Variants in PCDH10 observed in about 807,000 individuals in gnomAD.
PCDH10 encodes the protein protocadherin 10, also known as protocadherin-10.
PCDH10 carries 15 observed loss-of-function variants against 74.4 expected under a neutral mutation model. The ratio of observed to expected loss-of-function variants is 0.20; its 90% CI spans 0.13 to 0.31. The LOEUF is 0.31. PCDH10 is among the 10% of genes least tolerant of loss of function. PCDH10 has a pLI of 1.00. For synonymous variants in PCDH10, 619 were observed against 589.8 expected (o/e 1.05, Z -0.72); for missense variants, 1,260 against 1,390.2 (o/e 0.91, Z 1.49).
intron 4 of PCDH10, among the ~76,000 whole-genome samples, chr4:133,175,863 A>G (rs576819693): frequency 9.7e-4 from 147 of 152,246 alleles, no homozygotes; most frequent in Admixed American, 2.0e-3. Flanking sequence ...TCCAAACCTT[A>G]TGCAAATCAA....
intron 4 of PCDH10, among the ~76,000 whole-genome samples, chr4:133,180,174 T>C (rs1031375037): frequency 3.9e-5 from 6 of 152,098 alleles, no homozygotes; most frequent in African/African-American, 1.4e-4. Context: ...CTAATTTCAC[T>C]AAGCTATTTT....
At chr4:133,188,887 C>A (rs1231070141) in intron 4 of PCDH10, among the ~76,000 whole-genome samples, 1 of 151,826 alleles carries the variant, frequency 6.6e-6, no homozygotes, top group Non-Finnish European at 1.5e-5. Context: ...GTTGGCCAGG[C>A]TGGTTTCAAA....
chr4:133,205,654 C>T (rs1476877337), intron 2 of PCDH10, among the ~76,000 whole-genome samples: 4 of 151,912 alleles, frequency 2.6e-5, no homozygotes, highest in East Asian at 1.9e-4. Context: ...GATGCTGAAC[C>T]TCCTCTACTT....
At chr4:133,206,458 T>C (rs1256636636) in intron 2 of PCDH10, among the ~76,000 whole-genome samples, 2 of 152,204 alleles carry the variant, frequency 1.3e-5, no homozygotes, top group Non-Finnish European at 2.9e-5. Flanking sequence ...TTATTAGGCT[T>C]ATTTTTACCC....
In PCDH10 at chr4:133,163,289, A is replaced by T; in HGVS notation, c.3103+7A>T. On this transcript the variant is annotated splice_region_variant and intron_variant, in intron 4 of 4. Transcript: ENST00000264360. Reference sequence around the variant, plus strand: ...TACAAACCACCATATTTGAGTAAGTATTACACAAAGGGCTCTGTTAAAGTG... The same window carrying T: ...TACAAACCACCATATTTGAGTAAGTTTTACACAAAGGGCTCTGTTAAAGTG... 6.3e-7 allele frequency: 1 copy of T among 1,597,696 alleles called. No individual in the cohort carries two copies. Among genetic ancestry groups the T allele is most frequent in the South Asian group, 1.1e-5 (1 of 89,412 alleles).
rs1726683715 is a variant in PCDH10, at chr4:133,151,326, G to A, written c.1186G>A (p.Glu396Lys). 1.2e-6 allele frequency: 2 copies of A among 1,614,044 alleles called. No homozygotes were observed. The highest frequency in any genetic ancestry group is 1.7e-6 in the Non-Finnish European group (2 of 1,180,024). The change falls in exon 1 of 5, where the codon GAG becomes AAG. Residue 396 changes from glutamate to lysine, a missense_variant. Glu to Lys is a moderately conservative substitution (Grantham distance 56). Around this residue, in one of 11 missense-constraint regions of PCDH10, gnomAD observed 112 missense variants for 123.6 expected, o/e 0.91. Coordinates refer to ENST00000264360, the MANE Select transcript of PCDH10 (RefSeq NM_032961.3). ...DSEENGQVQC[E>K]LLGDVPFRLK... ...AGAGGAGAATGGGCAGGTGCAGTGCGAGCTACTGGGAGACGTGCCTTTCCG... is the reference window on the plus strand; with the variant it reads ...AGAGGAGAATGGGCAGGTGCAGTGCAAGCTACTGGGAGACGTGCCTTTCCG...
rs562154592 is a variant in PCDH10, at chr4:133,150,899, C to G, written c.759C>G (p.Pro253=). The G allele has an allele frequency of 2.4e-5, 39 of 1,612,694 alleles. No homozygotes were observed. The South Asian group carries it at 4.3e-4, about 18-fold the overall frequency. The change falls in exon 1 of 5, where the codon CCC becomes CCG. Residue 253 remains proline (P), a synonymous_variant. Coordinates refer to ENST00000264360, the MANE Select transcript of PCDH10 (RefSeq NM_032961.3). ...SNDNVPAFDQ[P]VYTVSLPENS... is the part of the protein sequence containing the mutation. ...ACAATGTGCCCGCTTTCGACCAACC[C>G]GTCTACACTGTGTCCCTACCAGAGA...
At chr4:133,195,714 G>C (rs1727782569), downstream of PCDH10, among the ~76,000 whole-genome samples, 1 of 151,812 alleles carries the variant, frequency 6.6e-6, no homozygotes. Context: ...CTTATCAGTG[G>C]CCCTAGATTA....
chr4:133,163,565 A>G (rs1036402675), intron 4 of PCDH10, among the ~76,000 whole-genome samples: 1 of 152,162 alleles, frequency 6.6e-6, no homozygotes, highest in Non-Finnish European at 1.5e-5. Context: ...ATGCTTTGAG[A>G]TTCCATAATA....
chr4:133,171,661 G>A (rs1727205844), intron 4 of PCDH10, among the ~76,000 whole-genome samples: 1 of 152,142 alleles, frequency 6.6e-6, no homozygotes, highest in Non-Finnish European at 1.5e-5. Flanking sequence ...AATTTGAATG[G>A]TAGGAATAAG....
Position 133,150,222 on chromosome 4 carries a change from C to A in PCDH10, c.82C>A (p.Gln28Lys), listed in dbSNP as rs777800344. The change falls in exon 1 of 5, where the codon CAG (glutamine) becomes AAG (lysine). Residue 28 changes from glutamine (Q) to lysine (K), a missense_variant. By Grantham distance (53) the Gln-to-Lys change is moderately conservative. Coordinates refer to ENST00000264360, the MANE Select transcript of PCDH10 (RefSeq NM_032961.3). ...SQLHYTVQEE[Q>K]EHGTFVGNIA... Reference sequence around the variant, plus strand: ...GCTTCACTACACGGTACAGGAGGAGCAGGAACATGGCACTTTCGTGGGGAA... The same window carrying A: ...GCTTCACTACACGGTACAGGAGGAGAAGGAACATGGCACTTTCGTGGGGAA... 2.5e-6 allele frequency: 4 copies of A among 1,613,460 alleles called. No homozygotes were observed. Among genetic ancestry groups the A allele is most frequent in the East Asian group, 2.2e-5 (1 of 44,864 alleles).
intron 4 of PCDH10, among the ~76,000 whole-genome samples, chr4:133,189,300 C>T (rs1211655345): frequency 3.3e-5 from 5 of 151,928 alleles, no homozygotes; most frequent in Non-Finnish European, 7.4e-5. Context: ...CTGTTATGTG[C>T]CATATACTGA....
intron 4 of PCDH10, among the ~76,000 whole-genome samples, chr4:133,164,714 A>G (rs1389999625): frequency 6.6e-6 from 1 of 151,400 alleles, no homozygotes; most frequent in Non-Finnish European, 1.5e-5. Flanking sequence ...TTCTTTACTG[A>G]CTGGATTTTT....
At chr4:133,153,353 C>A in intron 1 of PCDH10, 1 of 661,688 alleles carries the variant, frequency 1.5e-6, no homozygotes, top group Non-Finnish European at 1.9e-6. Context: ...CTCTGGACAG[C>A]ATTTACAGAC....
chr4:133,185,987 C>A (rs1346669617), intron 4 of PCDH10, among the ~76,000 whole-genome samples: 2 of 152,074 alleles, frequency 1.3e-5, no homozygotes, highest in African/African-American at 4.8e-5. Flanking sequence ...ATTATTTCTG[C>A]AACATACATG....
chr4:133,196,408 C>T (rs1035649122), downstream of PCDH10, among the ~76,000 whole-genome samples: 1 of 152,108 alleles, frequency 6.6e-6, no homozygotes, highest in African/African-American at 2.4e-5. Context: ...CTGGGGGCCA[C>T]AAGACTGGAT....
At position 133,190,831 on chromosome 4, in the gene PCDH10, A is replaced by G. The variant is rs1727651050; in HGVS notation, c.*671A>G. The G allele has an allele frequency of 6.6e-6, 1 of 151,902 alleles. No homozygotes were observed. Among genetic ancestry groups the G allele is most frequent in the Non-Finnish European group, 1.5e-5 (1 of 67,824 alleles). 9.4% of individuals were successfully genotyped at this position (151,902 alleles called of 1,614,324 possible). A position where few individuals can be genotyped will look rare whatever the true frequency, so the allele number is the denominator to read the frequency against. ...GTTTTTAAATGGATGCATACAGTCC[A>G]CATCATACAATAAAATAAAAGGTAA... On this transcript the variant is annotated 3_prime_UTR_variant, in exon 5 of 5. Coordinates refer to ENST00000264360, the MANE Select transcript of PCDH10 (RefSeq NM_032961.3).
Position 133,163,172 on chromosome 4 carries a change from G to A in PCDH10, c.2993G>A (p.Arg998Gln), listed in dbSNP as rs140421804. Residue 998 changes from arginine to glutamine, a missense_variant, in exon 4 of 5, where the codon CGG becomes CAG. Physicochemically the swap from Arg to Gln is conservative, Grantham distance 43. This residue lies in a region of PCDH10 where 136 missense variants were observed against 149.3 expected (regional missense o/e 0.91). Coordinates refer to ENST00000264360, the MANE Select transcript of PCDH10 (RefSeq NM_032961.3). ...ETPEAQPGAERSFSTFGKEKA... is the reference protein window; with the variant it reads ...ETPEAQPGAEQSFSTFGKEKA... ...CCAGAAGCCCAGCCTGGGGCAGAGC[G>A]GTCCTTTTCCACCTTTGGCAAAGAG... The A allele has an allele frequency of 1.7e-5, 27 of 1,613,976 alleles. No homozygotes were observed. The highest frequency in any genetic ancestry group is 2.2e-5 in the Non-Finnish European group (26 of 1,180,008).
chr4:133,203,199 G>A (rs1727938570), intron 2 of PCDH10, among the ~76,000 whole-genome samples: 1 of 152,096 alleles, frequency 6.6e-6, no homozygotes, highest in Non-Finnish European at 1.5e-5. Flanking sequence ...TCAGCTTATG[G>A]CCATGGTATA....
Sources: gnomAD v4.1 joint callset for allele counts (sites outside exome capture counted in the v4.1 genomes callset) on GRCh38, gnomAD v4.1.1 for gene constraint, gnomAD v4.1.1 regional missense constraint, MANE v1.5 for transcripts, NCBI Gene and HGNC (gene_info 2026-07-23, HGNC 2026-07-21) for gene names.